Variants in STK35 observed in about 807,000 individuals in gnomAD.
STK35 encodes serine/threonine-protein kinase 35.
Under a neutral mutation model 37.3 loss-of-function variants are expected in STK35, and 17 were observed. The observed-to-expected ratio is 0.46, with a 90% CI of 0.31 to 0.68. STK35 has a LOEUF of 0.68. Among genes scored for constraint, STK35 ranks in the 30% least tolerant of loss-of-function variants. The pLI, the probability that STK35 is intolerant of heterozygous loss-of-function variation, is 0.05. For synonymous variants in STK35, 385 were observed against 319.1 expected, an observed-to-expected ratio of 1.21 and a Z score of -2.20; for missense variants, 595 against 746.7, an observed-to-expected ratio of 0.80 and a Z score of 2.37.
chr20:2,120,804 C>T (rs1181872274), intron 3 of STK35, among the ~76,000 whole-genome samples: 1 of 151,980 alleles, frequency 6.6e-6, no homozygotes, highest in African/African-American at 2.4e-5. Flanking sequence ...AAGACAGTAC[C>T]CATAGGTAAT....
At chr20:2,102,669 C>T in intron 1 of STK35, 99 bp from the exon 2 acceptor site, 3 of 1,168,528 alleles carry the variant, frequency 2.6e-6, no homozygotes, top group Non-Finnish European at 3.3e-6. Context: ...CTTAAAGGGG[C>T]CGCGGCGGCC....
chr20:2,136,193 T>C (rs1324562173), intron 3 of STK35, among the ~76,000 whole-genome samples: 1 of 152,206 alleles, frequency 6.6e-6, no homozygotes, highest in East Asian at 1.9e-4. Flanking sequence ...TTGCCAAAGT[T>C]GGCCGTCTTC....
intron 1 of STK35, 45 bp from the exon 2 acceptor site, chr20:2,102,723 C>T (rs1259786245): frequency 2.9e-6 from 4 of 1,361,190 alleles, no homozygotes; most frequent in Non-Finnish European, 2.8e-6. Flanking sequence ...CGCTCCTGGC[C>T]TCCCCGCCTT....
At position 2,118,382 on chromosome 20, in the gene STK35, CA is replaced by C. The variant is rs565528228; in HGVS notation, c.*37+968del. 6.7e-4 allele frequency among the ~76,000 whole-genome samples: 101 copies of C among 151,864 alleles called. No homozygotes were observed. The East Asian group carries it at 0.016, about 23-fold the overall frequency. On this transcript the variant is annotated intron_variant, in intron 3 of 3. Transcript: ENST00000381482. ...GATCACGAGGTCAGGAGATCAAGAC[CA>C]TCCTGGCTAACACAGTGAAACCCCA...
chr20:2,133,454 G>C lies in STK35; in HGVS notation c.*38-10330G>C, dbSNP rs1986033021. On this transcript the variant is annotated intron_variant, in intron 3 of 3. Coordinates refer to ENST00000381482, the MANE Select transcript of STK35 (RefSeq NM_080836.4). ...AATTAGGGTATCCACACAGCTAACT[G>C]CCAATTACCTGGGCTGTTTCTAGAG... Among the ~76,000 whole-genome samples, 3 of 152,202 alleles carry C rather than the reference G, an allele frequency of 2.0e-5. No homozygotes were observed. The South Asian group carries it at 6.2e-4, about 31-fold the overall frequency.
rs1986223865 is a variant in STK35 at position 2,144,436 on chromosome 20, C to G, written c.*690C>G. On this transcript the variant is annotated 3_prime_UTR_variant, in exon 4 of 4. Coordinates refer to ENST00000381482, the MANE Select transcript of STK35 (RefSeq NM_080836.4). Reference sequence around the variant, plus strand: ...GAACTAAGAAGGTCTCAACTCCAGGCTTTGTTGTGTTTAAGCTATTGAGAG... The same window carrying G: ...GAACTAAGAAGGTCTCAACTCCAGGGTTTGTTGTGTTTAAGCTATTGAGAG... The G allele has an allele frequency of 6.3e-6, 1 of 157,832 alleles. No homozygotes were observed. The highest frequency in any genetic ancestry group is 2.4e-5 in the African/African-American group (1 of 41,468). The allele number at this position is 157,832 out of a possible 1,614,324, so 9.8% of individuals were successfully genotyped here.
At chr20:2,122,565 C>T (rs1274325934) in intron 3 of STK35, among the ~76,000 whole-genome samples, 5 of 152,150 alleles carry the variant, frequency 3.3e-5, no homozygotes, top group Non-Finnish European at 7.3e-5. Context: ...AGTCTCATAT[C>T]TGCGTTTTCC....
In STK35 at chr20:2,102,134, G is replaced by A. The variant is rs1462554159; in HGVS notation, c.253G>A (p.Gly85Arg). 4 of 1,397,674 alleles carry A rather than the reference G, an allele frequency of 2.9e-6. No homozygotes were observed. The highest frequency in any genetic ancestry group is 3.0e-5 in the Admixed American group (1 of 33,714). The allele number at this position is 1,397,674 out of a possible 1,614,324, so 86.6% of individuals were successfully genotyped here. Residue 85 changes from glycine (G) to arginine (R), a missense_variant, in exon 1 of 4, where the codon GGG (glycine) becomes AGG (arginine). By Grantham distance (125) the Gly-to-Arg change is moderately radical. Coordinates refer to ENST00000381482, the MANE Select transcript of STK35 (RefSeq NM_080836.4). ...GGACCATCCCCAGGCAGGGGCTCCAGGGGGGAAACGGGCCGCCCGGAAGTG... is the reference window on the plus strand; with the variant it reads ...GGACCATCCCCAGGCAGGGGCTCCAAGGGGGAAACGGGCCGCCCGGAAGTG... ...GADHPQAGAP[G>R]GKRAARKWRC...
chr20:2,127,462 C>A (rs1220396369), intron 3 of STK35, among the ~76,000 whole-genome samples: 2 of 152,120 alleles, frequency 1.3e-5, no homozygotes, highest in Non-Finnish European at 2.9e-5. Context: ...TTGTTAGTAA[C>A]CAGATTGCAT....
rs567120792 is a variant in STK35, at chr20:2,143,437, C to CTATCCAG, written c.*38-346_*38-340dup. Reference sequence around the variant, plus strand: ...TGCTGGCAAGGTCTGTGGGGACAGACTATCCAGGGTGGGCCCTGCGGTGTC... The same window carrying CTATCCAG: ...TGCTGGCAAGGTCTGTGGGGACAGACTATCCAGTATCCAGGGTGGGCCCTGCGGTGTC... On this transcript the variant is annotated intron_variant, in intron 3 of 3. Coordinates refer to ENST00000381482, the MANE Select transcript of STK35 (RefSeq NM_080836.4). Among the ~76,000 whole-genome samples, 52 of 152,320 alleles carry CTATCCAG rather than the reference C, an allele frequency of 3.4e-4. 2 individuals are homozygous for CTATCCAG. The South Asian group carries it at 9.5e-3, about 28-fold the overall frequency.
intron 2 of STK35, among the ~76,000 whole-genome samples, chr20:2,109,229 G>A (rs890340799): frequency 2.0e-5 from 3 of 152,202 alleles, no homozygotes; most frequent in Non-Finnish European, 4.4e-5. Flanking sequence ...TCTGGGGAAA[G>A]GAAGGATGAG....
chr20:2,104,732 T>C (rs760636873), intron 2 of STK35, among the ~76,000 whole-genome samples: 4 of 152,154 alleles, frequency 2.6e-5, no homozygotes, highest in Admixed American at 6.5e-5. Context: ...TGTTTGACAG[T>C]GGAGTTGGAA....
chr20:2,101,880 G>T lies in STK35; in HGVS notation c.-2G>T, dbSNP rs1251576931. 1.4e-6 allele frequency: 2 copies of T among 1,419,948 alleles called. No homozygotes were observed. Among genetic ancestry groups the T allele is most frequent in the South Asian group, 1.4e-5 (1 of 70,094 alleles). The allele number at this position is 1,419,948 out of a possible 1,614,324, so 88.0% of individuals were successfully genotyped here. On this transcript the variant is annotated 5_prime_UTR_variant, in exon 1 of 4. Coordinates refer to ENST00000381482, the MANE Select transcript of STK35 (RefSeq NM_080836.4). ...GGGCTCACTCGGCTGGCGTCCCGGGGGATGGGCCACCAGGAGTCTCCGCTG... is the reference window on the plus strand; with the variant it reads ...GGGCTCACTCGGCTGGCGTCCCGGGTGATGGGCCACCAGGAGTCTCCGCTG...
chr20:2,102,399 C>T (rs1341098406), intron 1 of STK35, among the ~76,000 whole-genome samples: 2 of 152,152 alleles, frequency 1.3e-5, no homozygotes, highest in African/African-American at 4.8e-5. Context: ...GAACACAAGG[C>T]GGGGCGCGGG....
chr20:2,111,738 AC>A (rs1985623170), intron 2 of STK35, among the ~76,000 whole-genome samples: 1 of 152,144 alleles, frequency 6.6e-6, no homozygotes, highest in Non-Finnish European at 1.5e-5. Context: ...ACTTTCAGTC[AC>A]TTCCCATTTC....
At chr20:2,123,606 A>G (rs941225552) in intron 3 of STK35, among the ~76,000 whole-genome samples, 1 of 152,258 alleles carries the variant, frequency 6.6e-6, no homozygotes, top group African/African-American at 2.4e-5. Flanking sequence ...CTGTGTTGTT[A>G]CGCACGCTAT....
chr20:2,132,037 T>C (rs1311713448), intron 3 of STK35, among the ~76,000 whole-genome samples: 1 of 152,202 alleles, frequency 6.6e-6, no homozygotes, highest in Non-Finnish European at 1.5e-5. Context: ...CTTTTTTAAA[T>C]GTTGTGAAAT....
intron 3 of STK35, among the ~76,000 whole-genome samples, chr20:2,132,694 G>A (rs1204625974): frequency 1.3e-5 from 2 of 152,244 alleles, no homozygotes; most frequent in African/African-American, 2.4e-5. Context: ...GGCGGTAAGG[G>A]TAACATCTGA....
At chr20:2,112,635 G>A (rs976703145) in intron 2 of STK35, among the ~76,000 whole-genome samples, 2 of 152,198 alleles carry the variant, frequency 1.3e-5, no homozygotes, top group African/African-American at 4.8e-5. Context: ...GCCTTTCTCA[G>A]CCTTAGTTGC....
Sources: gnomAD v4.1 joint callset for allele counts (sites outside exome capture counted in the v4.1 genomes callset) on GRCh38, gnomAD v4.1.1 for gene constraint, MANE v1.5 for transcripts, NCBI Gene and HGNC (gene_info 2026-07-23, HGNC 2026-07-21) for gene names.